FAM227B: variants seen among roughly 807,000 people sequenced by gnomAD.
FAM227B encodes the protein protein FAM227B.
Under a neutral mutation model 73.8 loss-of-function variants are expected in FAM227B, and 88 were observed. The ratio of observed to expected loss-of-function variants is 1.19; its 90% confidence interval spans 1.00 to 1.42. The LOEUF is 1.42. Ranked by LOEUF, FAM227B falls within the 40% of genes most tolerant of loss-of-function variation. The pLI is 0.00. For missense variants in FAM227B, 632 were observed against 590.9 expected, an observed-to-expected ratio of 1.07 and a Z score of -0.72; for synonymous variants, 210 against 190.5, an observed-to-expected ratio of 1.10 and a Z score of -0.84.
chr15:49,571,420 A>T (rs2075095229), intron 8 of FAM227B, among the ~76,000 whole-genome samples: 1 of 151,890 alleles, frequency 6.6e-6, no homozygotes, highest in Non-Finnish European at 1.5e-5. Flanking sequence ...TACTCAAAAA[A>T]TCACCGTACA....
chr15:49,462,480 G>A (rs2053890142), intron 11 of FAM227B, among the ~76,000 whole-genome samples: 1 of 152,100 alleles, frequency 6.6e-6, no homozygotes, highest in Non-Finnish European at 1.5e-5. Context: ...TCCAGCATGG[G>A]CAAATATAAT....
At chr15:49,487,330 G>GA (rs1270878247) in intron 11 of FAM227B, 2 of 151,592 alleles carry the variant, frequency 1.3e-5, no homozygotes, top group African/African-American at 4.8e-5. Flanking sequence ...AATTAGAAAA[G>GA]AAAAAATTAA....
chr15:49,548,287 T>C (rs1406896668), intron 9 of FAM227B, among the ~76,000 whole-genome samples: 1 of 152,226 alleles, frequency 6.6e-6, no homozygotes, highest in Non-Finnish European at 1.5e-5. Flanking sequence ...TCATATGGGT[T>C]TTATCCTTCA....
rs554869345 is a variant in FAM227B, at chr15:49,568,423, A to G, written c.646-77T>C. 4.3e-6 allele frequency: 5 copies of G among 1,159,940 alleles called. No homozygotes were observed. The African/African-American group carries it at 7.7e-5, about 18-fold the overall frequency. 71.9% of individuals were successfully genotyped at this position (1,159,940 alleles called of 1,614,324 possible). A position where few individuals can be genotyped will look rare whatever the true frequency, so the allele number is the denominator to read the frequency against. The stretch of plus-strand genomic sequence containing the variant: ...TTGTTTACATGATGACAGCAATTTC[A>G]TTTATTCTCATGAGCAGATCAATTG... On this transcript the variant is annotated intron_variant, in intron 8 of 15. Transcript: ENST00000299338.
At chr15:49,436,974 CATCT>C (rs1467395101) in intron 11 of FAM227B, among the ~76,000 whole-genome samples, 1 of 151,524 alleles carries the variant, frequency 6.6e-6, no homozygotes, top group East Asian at 1.9e-4. Context: ...AAAATATATC[CATCT>C]GTCTTCCCCT....
chr15:49,592,220 G>T (rs989883902), intron 3 of FAM227B, among the ~76,000 whole-genome samples: 1 of 152,162 alleles, frequency 6.6e-6, no homozygotes, highest in Non-Finnish European at 1.5e-5. Flanking sequence ...GCTGGCAAGG[G>T]GCTGAGATCC....
intron 13 of FAM227B, 85 bp downstream of exon 13, chr15:49,367,359 ATTTG>A (rs2045380567): frequency 1.7e-6 from 2 of 1,173,722 alleles, no homozygotes; most frequent in African/African-American, 1.6e-5. Context: ...CATGCATTCA[ATTTG>A]TTTCTCAATT....
intron 8 of FAM227B, among the ~76,000 whole-genome samples, chr15:49,573,452 T>C (rs540558882): frequency 1.3e-5 from 2 of 152,192 alleles, no homozygotes; most frequent in Non-Finnish European, 2.9e-5. Flanking sequence ...TATTGAAAAC[T>C]TGATCCCCAA....
At chr15:49,390,277 G>A (rs549754325) in intron 11 of FAM227B, among the ~76,000 whole-genome samples, 174 of 152,088 alleles carry the variant, frequency 1.1e-3, no homozygotes, top group Admixed American at 3.7e-3. Context: ...GGTAGATAGA[G>A]ACCCCATCTT....
intron 5 of FAM227B, among the ~76,000 whole-genome samples, chr15:49,585,015 C>A (rs1466570916): frequency 6.6e-6 from 1 of 152,082 alleles, no homozygotes; most frequent in Non-Finnish European, 1.5e-5. Context: ...ACAACCCCAT[C>A]AAAAAGTGGG....
intron 10 of FAM227B, among the ~76,000 whole-genome samples, chr15:49,530,257 TA>T (rs1469886955): frequency 6.7e-6 from 1 of 150,334 alleles, no homozygotes; most frequent in African/African-American, 2.4e-5. Context: ...AATCCTGTGG[TA>T]AATTCAGTTT....
At position 49,335,473 on chromosome 15, in the gene FAM227B, T is replaced by C. The variant is rs758150135; in HGVS notation, c.1295A>G (p.Asp432Gly). ...QEPLPAPTYR[D>G]VIKEAKRQFA... ...TTGTCTTTTTGCCTCCTTTATAACA[T>C]CACGGTATGTTGGAGCAGGTAGTGT... Residue 432 changes from aspartate (D) to glycine (G), a missense_variant, in exon 14 of 16, where the codon GAT becomes GGT. Physicochemically the swap from Asp to Gly is moderately conservative, Grantham distance 94. Coordinates refer to ENST00000299338, the MANE Select transcript of FAM227B (RefSeq NM_152647.3). 8 of 1,613,540 alleles carry C rather than the reference T, an allele frequency of 5.0e-6. No homozygotes were observed. The highest frequency in any genetic ancestry group is 6.8e-6 in the Non-Finnish European group (8 of 1,179,588).
chr15:49,380,739 T>C (rs1203517103), intron 11 of FAM227B, among the ~76,000 whole-genome samples: 1 of 152,138 alleles, frequency 6.6e-6, no homozygotes, highest in African/African-American at 2.4e-5. Flanking sequence ...TTTATTTTTT[T>C]CTACTCAAGC....
chr15:49,367,392 T>G, intron 13 of FAM227B, 56 bp downstream of exon 13: 1 of 1,410,466 alleles, frequency 7.1e-7, no homozygotes, highest in Non-Finnish European at 9.5e-7. Context: ...CAGTGAAATG[T>G]TTTGAATATT....
chr15:49,614,984 A>T (rs1027678836), intron 2 of FAM227B, 137 bp downstream of exon 2: 1 of 760,044 alleles, frequency 1.3e-6, no homozygotes, highest in Non-Finnish European at 2.3e-6. Context: ...CCATCTGTGC[A>T]GCGAGCATTA....
At chr15:49,545,905 C>T (rs2071772177) in intron 9 of FAM227B, among the ~76,000 whole-genome samples, 1 of 149,130 alleles carries the variant, frequency 6.7e-6, no homozygotes, top group African/African-American at 2.5e-5. Flanking sequence ...TGTTTTGTGG[C>T]CTATCATATG....
intron 5 of FAM227B, among the ~76,000 whole-genome samples, chr15:49,585,679 C>A (rs764236048): frequency 6.6e-6 from 1 of 151,980 alleles, no homozygotes; most frequent in Non-Finnish European, 1.5e-5. Flanking sequence ...ACATCACACA[C>A]CGGGGACTGT....
At chr15:49,420,453 G>A (rs1371216699) in intron 11 of FAM227B, among the ~76,000 whole-genome samples, 1 of 151,780 alleles carries the variant, frequency 6.6e-6, no homozygotes, top group Non-Finnish European at 1.5e-5. Flanking sequence ...TATAAAAAGG[G>A]TAAAAGTAAA....
chr15:49,398,303 C>G (rs1433866093), intron 11 of FAM227B, among the ~76,000 whole-genome samples: 1 of 149,690 alleles, frequency 6.7e-6, no homozygotes. Context: ...GCTAACTATC[C>G]TAAATATATA....
Sources: allele counts gnomAD v4.1 joint callset (sites outside exome capture counted in the v4.1 genomes callset), GRCh38; gene constraint gnomAD v4.1.1; transcripts MANE v1.5; gene names NCBI Gene and HGNC (gene_info 2026-07-23, HGNC 2026-07-21).